ASIC2: variants seen among roughly 807,000 people sequenced by gnomAD.
ASIC2 encodes the protein acid sensing ion channel subunit 2.
A neutral mutation model predicts 57.3 loss-of-function variants in ASIC2; 25 were observed. That is an observed-to-expected ratio of 0.44 (90% CI 0.32 to 0.61). ASIC2 has a LOEUF of 0.61. Among genes scored for constraint, ASIC2 ranks in the 20% least tolerant of loss-of-function variants. The pLI, the probability that ASIC2 is intolerant of heterozygous loss-of-function variation, is 0.06. For missense variants in ASIC2, 641 were observed against 738.1 expected, an observed-to-expected ratio of 0.87 and a Z score of 1.52; for synonymous variants, 319 against 307.5, an observed-to-expected ratio of 1.04 and a Z score of -0.39.
chr17:33,879,154 T>C (rs1914631302), intron 1 of ASIC2, among the ~76,000 whole-genome samples: 1 of 152,140 alleles, frequency 6.6e-6, no homozygotes, highest in African/African-American at 2.4e-5. Flanking sequence ...TGCAAAAACA[T>C]GCCAAACTGT....
At chr17:33,275,501 T>C (rs1202976771) in intron 1 of ASIC2, among the ~76,000 whole-genome samples, 1 of 152,188 alleles carries the variant, frequency 6.6e-6, no homozygotes, top group East Asian at 1.9e-4. Context: ...GTGTGTGTCG[T>C]AAACTAGCAT....
chr17:34,015,200 T>C (rs1906908722), intron 1 of ASIC2, among the ~76,000 whole-genome samples: 1 of 151,698 alleles, frequency 6.6e-6, no homozygotes, highest in Non-Finnish European at 1.5e-5. Context: ...CGAGCAACTA[T>C]GCCTAGCCTA....
chr17:33,251,138 A>C (rs1391676520), intron 1 of ASIC2, among the ~76,000 whole-genome samples: 1 of 152,172 alleles, frequency 6.6e-6, no homozygotes, highest in Non-Finnish European at 1.5e-5. Flanking sequence ...TCCTGGGCTA[A>C]ATATTTCTAA....
chr17:33,195,493 A>T (rs1277098513), intron 1 of ASIC2, among the ~76,000 whole-genome samples: 2 of 152,202 alleles, frequency 1.3e-5, no homozygotes, highest in East Asian at 3.8e-4. Flanking sequence ...CATGATAGTG[A>T]TTGGGTTGAA....
At chr17:33,251,065 G>A (rs548605038) in intron 1 of ASIC2, among the ~76,000 whole-genome samples, 73 of 152,184 alleles carry the variant, frequency 4.8e-4, no homozygotes, top group Non-Finnish European at 9.8e-4. Context: ...ATTCAAAGAA[G>A]GAATTGACTT....
At chr17:33,351,800 T>C (rs190829778) in intron 1 of ASIC2, among the ~76,000 whole-genome samples, 56 of 152,318 alleles carry the variant, frequency 3.7e-4, no homozygotes, top group African/African-American at 1.1e-3. Context: ...GAAGGTTTTC[T>C]TTATCCTTGC....
At chr17:33,850,467 C>A (rs749215509) in intron 1 of ASIC2, among the ~76,000 whole-genome samples, 1 of 152,150 alleles carries the variant, frequency 6.6e-6, no homozygotes. Context: ...CCTCTGGCTG[C>A]AATTACCACT....
chr17:33,311,127 C>A (rs540636516), intron 1 of ASIC2, among the ~76,000 whole-genome samples: 1 of 152,290 alleles, frequency 6.6e-6, no homozygotes, highest in African/African-American at 2.4e-5. Context: ...GGCAGCGCAT[C>A]CTTAGTTGGG....
chr17:33,464,491 T>TCTTTCTTC (rs1314726135), intron 1 of ASIC2, among the ~76,000 whole-genome samples: 16 of 38,294 alleles, frequency 4.2e-4, no homozygotes, highest in Admixed American at 3.4e-3. Flanking sequence ...TCTCTTTCTT[T>TCTTTCTTC]CTTTCTTTCT....
chr17:33,816,742 A>C (rs1912595097), intron 1 of ASIC2: 1 of 152,242 alleles, frequency 6.6e-6, no homozygotes, highest in Non-Finnish European at 1.5e-5. Flanking sequence ...CCTCCTGCAG[A>C]AGAGGCGAAC....
In ASIC2 at chr17:33,963,405, A is replaced by G. The variant is rs536603511; in HGVS notation, c.555+192573T>C. ...ATTTCCCCATTTCTGGACGCAGAGT[A>G]GGTGCTGATAATATGAAGCACAGAG... On this transcript the variant is annotated intron_variant, in intron 1 of 9. Coordinates refer to the ASIC2 transcript ENST00000359872. Among the ~76,000 whole-genome samples, 8 of 152,322 alleles carry G rather than the reference A, an allele frequency of 5.3e-5. No homozygotes were observed. In the East Asian group the frequency reaches 1.5e-3, roughly 29 times the overall value.
intron 1 of ASIC2, among the ~76,000 whole-genome samples, chr17:33,412,346 A>C (rs1910693251): frequency 6.6e-6 from 1 of 152,150 alleles, no homozygotes; most frequent in Admixed American, 6.5e-5. Flanking sequence ...TTCTGCCTTC[A>C]TGTGGTTCAT....
intron 1 of ASIC2, among the ~76,000 whole-genome samples, chr17:33,759,955 A>T (rs1910730492): frequency 1.3e-5 from 2 of 152,134 alleles, no homozygotes; most frequent in Admixed American, 1.3e-4. Context: ...GAGCCATGGG[A>T]ACACACTCTC....
intron 1 of ASIC2, among the ~76,000 whole-genome samples, chr17:34,063,176 C>A (rs139855563): frequency 6.6e-6 from 1 of 152,306 alleles, no homozygotes; most frequent in Non-Finnish European, 1.5e-5. Context: ...CCACCATTAT[C>A]AAGTGGGTTT....
chr17:33,800,877 G>A (rs1179665017), intron 1 of ASIC2, among the ~76,000 whole-genome samples: 1 of 152,096 alleles, frequency 6.6e-6, no homozygotes, highest in Non-Finnish European at 1.5e-5. Flanking sequence ...GGGATGCACA[G>A]AGACATTAAG....
rs139304721 is a variant in ASIC2 at position 33,488,467 on chromosome 17, T to A, written c.556-376400A>T. ...AATTCTGTGAAAGATTCTTTTTTAT[T>A]TTTAAGTCCAGAAATGTGTTTATTT... is the stretch of plus-strand genomic sequence containing the variant. On this transcript the variant is annotated intron_variant, in intron 1 of 9. Transcript: ENST00000359872. Among the ~76,000 whole-genome samples, 196 of 152,336 alleles carry A rather than the reference T, an allele frequency of 1.3e-3. 1 individual carries two copies. The highest frequency in any genetic ancestry group is 4.6e-3 in the African/African-American group (192 of 41,584).
At chr17:34,125,862 A>G (rs1480233975) in intron 1 of ASIC2, among the ~76,000 whole-genome samples, 3 of 152,312 alleles carry the variant, frequency 2.0e-5, no homozygotes, top group African/African-American at 7.2e-5. Context: ...GAGCTCAGAT[A>G]CCAAATCCTG....
intron 1 of ASIC2, among the ~76,000 whole-genome samples, chr17:33,807,400 G>T (rs970800191): frequency 1.3e-5 from 2 of 152,182 alleles, no homozygotes; most frequent in African/African-American, 4.8e-5. Context: ...CCCCATGCTG[G>T]GTGCTGCTAA....
intron 1 of ASIC2, among the ~76,000 whole-genome samples, chr17:33,885,584 T>C (rs993365114): frequency 3.3e-5 from 5 of 152,236 alleles, no homozygotes; most frequent in Non-Finnish European, 7.3e-5. Context: ...CAGTAAGTTA[T>C]GTGTCTTGCT....
Sources: gnomAD v4.1 joint callset for allele counts (sites outside exome capture counted in the v4.1 genomes callset) on GRCh38, gnomAD v4.1.1 for gene constraint, MANE v1.5 for transcripts, NCBI Gene and HGNC (gene_info 2026-07-23, HGNC 2026-07-21) for gene names.